SLCO1B3: variants seen among roughly 807,000 people sequenced by gnomAD.
SLCO1B3 encodes solute carrier organic anion transporter family member 1B3.
Under a neutral mutation model 71.8 loss-of-function variants are expected in SLCO1B3, and 72 were observed. That is an observed-to-expected ratio of 1.00 (90% CI 0.83 to 1.22). SLCO1B3 has a LOEUF of 1.22. Ranked by LOEUF, SLCO1B3 falls within the 50% of genes most tolerant of loss-of-function variation. The probability of loss-of-function intolerance (pLI) is 0.00; values close to 1 mark genes in which losing one functional copy is unlikely to be tolerated. For synonymous variants in SLCO1B3, 298 were observed against 278.4 expected (o/e 1.07, Z -0.70); for missense variants, 911 against 819.7 (o/e 1.11, Z -1.36).
chr12:20,902,063 T>C (rs896245500), intron 15 of SLCO1B3: 5 of 258,764 alleles, frequency 1.9e-5, no homozygotes, highest in African/African-American at 9.5e-5. Context: ...GAACTACTCA[T>C]AGTAGAATTT....
At chr12:20,872,580 GTGCATTACTT>G (rs1455599754) in intron 8 of SLCO1B3, among the ~76,000 whole-genome samples, 4 of 152,150 alleles carry the variant, frequency 2.6e-5, no homozygotes, top group South Asian at 4.1e-4. Context: ...AAGGCCCTGA[GTGCATTACTT>G]TGCATTACTT....
At chr12:20,905,584 T>G (rs952050205) in intron 15 of SLCO1B3, among the ~76,000 whole-genome samples, 3 of 152,160 alleles carry the variant, frequency 2.0e-5, no homozygotes, top group Non-Finnish European at 2.9e-5. Flanking sequence ...CTCTCTCAAG[T>G]TGAAAGTTCC....
intron 8 of SLCO1B3, among the ~76,000 whole-genome samples, chr12:20,869,196 CTT>C: frequency 5.9e-5 from 1 of 16,940 alleles, no homozygotes; most frequent in Non-Finnish European, 6.2e-4. Flanking sequence ...CTTGACACTT[CTT>C]GCTACCGCTA....
At chr12:20,915,680 A>G (rs552173938) in intron 15 of SLCO1B3, among the ~76,000 whole-genome samples, 1 of 152,248 alleles carries the variant, frequency 6.6e-6, no homozygotes, top group Admixed American at 6.5e-5. Context: ...TGGACTGTGA[A>G]CTTCAAACTT....
intron 4 of SLCO1B3, 117 bp downstream of exon 4, chr12:20,855,286 A>G (rs575641112): frequency 2.3e-4 from 193 of 833,060 alleles, no homozygotes; most frequent in Non-Finnish European, 3.3e-4. Flanking sequence ...CTCATGGGCA[A>G]TTTGGCAATA....
chr12:20,819,949 G>T (rs1460029935), intron 3 of SLCO1B3, among the ~76,000 whole-genome samples: 3 of 152,098 alleles, frequency 2.0e-5, no homozygotes, highest in Non-Finnish European at 2.9e-5. Flanking sequence ...GGAATAGTCA[G>T]GGAAGCAGAT....
chr12:20,896,885 C>T lies in SLCO1B3; in HGVS notation c.1683-1551C>T, dbSNP rs7971857. Among the ~76,000 whole-genome samples the T allele has an allele frequency of 3.1e-3, 475 of 152,212 alleles. 3 individuals are homozygous for T. Among genetic ancestry groups the T allele is most frequent in the African/African-American group, 0.011 (447 of 41,526 alleles). ...GCTGGGGAAACCTCACAATCATGGT[C>T]GAAGGCAAGGAGGCTCAAGTCACAT... On this transcript the variant is annotated intron_variant, in intron 13 of 15. Transcript: ENST00000381545.
chr12:20,889,008 T>C (rs1478001509), intron 13 of SLCO1B3, among the ~76,000 whole-genome samples: 3 of 152,124 alleles, frequency 2.0e-5, no homozygotes, highest in Non-Finnish European at 4.4e-5. Context: ...GATTCGCATA[T>C]GTTGAACCAT....
At chr12:20,896,286 A>C (rs1866005365) in intron 13 of SLCO1B3, among the ~76,000 whole-genome samples, 1 of 152,148 alleles carries the variant, frequency 6.6e-6, no homozygotes, top group Admixed American at 6.5e-5. Flanking sequence ...CTTTTCTATC[A>C]CATTGTCAGA....
At chr12:20,850,348 C>T (rs920441227) in intron 3 of SLCO1B3, among the ~76,000 whole-genome samples, 7 of 151,428 alleles carry the variant, frequency 4.6e-5, no homozygotes, top group Admixed American at 2.6e-4. Context: ...GGCGCATTCT[C>T]GGCTCACTGC....
At chr12:20,841,410 A>G (rs1565585049) in intron 3 of SLCO1B3, among the ~76,000 whole-genome samples, 1 of 151,990 alleles carries the variant, frequency 6.6e-6, no homozygotes, top group South Asian at 2.1e-4. Flanking sequence ...AAATTCCACT[A>G]TAATTTCTTA....
chr12:20,904,755 CTTTTTTTTTTTTTT>C (rs775996155), intron 15 of SLCO1B3, among the ~76,000 whole-genome samples: 3 of 56,114 alleles, frequency 5.3e-5, no homozygotes, highest in African/African-American at 1.8e-4. Flanking sequence ...GACATCCAGG[CTTTTTTTTTTTTTT>C]TTTTTTTTTT....
intron 13 of SLCO1B3, among the ~76,000 whole-genome samples, chr12:20,897,700 A>G (rs768655798): frequency 1.3e-5 from 2 of 152,206 alleles, no homozygotes; most frequent in Non-Finnish European, 2.9e-5. Flanking sequence ...CATTTCAGTA[A>G]AAGTGGGTTA....
rs140434140 is a variant in SLCO1B3 at position 20,868,259 on chromosome 12, C to A, written c.727+5405C>A. 2.4e-3 allele frequency among the ~76,000 whole-genome samples: 359 copies of A among 152,056 alleles called. 2 individuals carry two copies. Among genetic ancestry groups the A allele is most frequent in the African/African-American group, 8.4e-3 (347 of 41,546 alleles). The stretch of plus-strand genomic sequence containing the variant: ...TCTGGGGATAGAAGGAACATACCTA[C>A]CCAAATATATCTACAGATTCAAGTT... On this transcript the variant is annotated intron_variant, in intron 8 of 15. Transcript: ENST00000381545.
intron 3 of SLCO1B3, among the ~76,000 whole-genome samples, chr12:20,818,651 T>A (rs1423848407): frequency 6.6e-6 from 1 of 152,194 alleles, no homozygotes; most frequent in African/African-American, 2.4e-5. Flanking sequence ...TGAGGATAGA[T>A]TTCTACGATG....
rs1244900955 is a variant in SLCO1B3 at position 20,855,216 on chromosome 12, AAAAC to A, written c.226+52_226+55del. The A allele has an allele frequency of 4.0e-6, 6 of 1,507,258 alleles. No individual in the cohort carries two copies. The Admixed American group carries it at 1.1e-4, about 28-fold the overall frequency. 93.4% of individuals were successfully genotyped at this position (1,507,258 alleles called of 1,614,324 possible). A position where few individuals can be genotyped will look rare whatever the true frequency, so the allele number is the denominator to read the frequency against. On this transcript the variant is annotated intron_variant, in intron 4 of 15. Coordinates refer to ENST00000381545, the MANE Select transcript of SLCO1B3 (RefSeq NM_019844.4). ...TGATAACCATACTTGCATAAGTTGA[AAAAC>A]AAACTGTTCATGCATGCTTTATATC...
intron 3 of SLCO1B3, among the ~76,000 whole-genome samples, chr12:20,822,712 G>T (rs1864339396): frequency 6.6e-6 from 1 of 152,102 alleles, no homozygotes; most frequent in Non-Finnish European, 1.5e-5. Context: ...CTTGTGCTCA[G>T]TAAATCGGCA....
intron 3 of SLCO1B3, among the ~76,000 whole-genome samples, chr12:20,825,466 G>A (rs1207410843): frequency 1.3e-5 from 2 of 152,058 alleles, no homozygotes; most frequent in Admixed American, 6.6e-5. Context: ...GCAGGACTTG[G>A]TGTGCTTTTT....
intron 13 of SLCO1B3, among the ~76,000 whole-genome samples, chr12:20,892,012 C>T (rs1162676545): frequency 6.6e-6 from 1 of 151,832 alleles, no homozygotes; most frequent in African/African-American, 2.4e-5. Flanking sequence ...TCTTATTTCT[C>T]GAAGACTTCT....
Sources: allele counts gnomAD v4.1 joint callset (sites outside exome capture counted in the v4.1 genomes callset), GRCh38; gene constraint gnomAD v4.1.1; transcripts MANE v1.5; gene names NCBI Gene and HGNC (gene_info 2026-07-23, HGNC 2026-07-21).